The following YPEL2 variants were observed in gnomAD, a reference collection of about 807,000 sequenced individuals.
The protein encoded by YPEL2 is yippee like 2, also known as protein yippee-like 2.
YPEL2 carries 2 observed loss-of-function variants against 19.1 expected under a neutral mutation model. The ratio of observed to expected loss-of-function variants is 0.10; its 90% CI spans 0.04 to 0.33. YPEL2 has a LOEUF of 0.33. YPEL2 is among the 10% of genes least tolerant of loss of function. The pLI, the probability that YPEL2 is intolerant of heterozygous loss-of-function variation, is 1.00. For synonymous variants in YPEL2, 52 were observed against 50.0 expected (o/e 1.04, Z -0.17); for missense variants, 66 against 140.7 (o/e 0.47, Z 2.68).
intron 2 of YPEL2, among the ~76,000 whole-genome samples, chr17:59,365,248 C>A (rs1332907835): frequency 6.6e-6 from 1 of 152,160 alleles, no homozygotes; most frequent in Admixed American, 6.5e-5. Flanking sequence ...TCTTTTGAGG[C>A]CTCTCCTCAT....
intron 4 of YPEL2, among the ~76,000 whole-genome samples, chr17:59,394,979 C>G (rs994225685): frequency 4.6e-5 from 7 of 152,176 alleles, no homozygotes; most frequent in Non-Finnish European, 8.8e-5. Flanking sequence ...ATCGCAGGCA[C>G]TCAGCAGGCT....
At position 59,353,942 on chromosome 17, in the gene YPEL2, G is replaced by A. The variant is rs2047799782; in HGVS notation, c.117+416G>A. ...CCTTAGCAAGATGAGAGAGCCACCA[G>A]GAAGTTGTGAGACTGTGGAATTACT... On this transcript the variant is annotated intron_variant, in intron 2 of 4. Coordinates refer to ENST00000312655, the MANE Select transcript of YPEL2 (RefSeq NM_001005404.4). This position sits in a 1 kb window ranked among gnomAD's most constrained non-coding sequence, Gnocchi z 4.8. The A allele has an allele frequency of 3.4e-6, 1 of 295,092 alleles. No individual in the cohort carries two copies. The highest frequency in any genetic ancestry group is 3.2e-5 in the South Asian group (1 of 31,656). The allele number at this position is 295,092 out of a possible 1,614,324, so 18.3% of individuals were successfully genotyped here. A position where few individuals can be genotyped will look rare whatever the true frequency, so the allele number is the denominator to read the frequency against.
At chr17:59,373,865 T>G (rs1410902482) in intron 2 of YPEL2, among the ~76,000 whole-genome samples, 2 of 152,202 alleles carry the variant, frequency 1.3e-5, no homozygotes, top group Non-Finnish European at 2.9e-5. Flanking sequence ...GGGATTTATG[T>G]TTCTATGTCT....
chr17:59,363,312 T>C (rs1200564832), intron 2 of YPEL2: 12 of 141,564 alleles, frequency 8.5e-5, no homozygotes, highest in East Asian at 2.0e-4. Flanking sequence ...TTTTTTTTTC[T>C]TTTTTTTTTT....
intron 4 of YPEL2, among the ~76,000 whole-genome samples, chr17:59,390,009 AT>A (rs1332538033): frequency 6.6e-6 from 1 of 151,974 alleles, no homozygotes; most frequent in African/African-American, 2.4e-5. Context: ...ATTTTATTTT[AT>A]TTTATTTTGA....
intron 1 of YPEL2, among the ~76,000 whole-genome samples, chr17:59,334,827 C>G (rs771091314): frequency 6.6e-6 from 1 of 152,096 alleles, no homozygotes; most frequent in South Asian, 2.1e-4. Context: ...TCAGTTTGGC[C>G]AAGCAACTCA....
chr17:59,371,091 C>T (rs1783379354), intron 2 of YPEL2, among the ~76,000 whole-genome samples: 1 of 152,200 alleles, frequency 6.6e-6, no homozygotes, highest in South Asian at 2.1e-4. Context: ...GTCCCTTCCT[C>T]CCTGGCCTGC....
chr17:59,332,611 T>C (rs1184104675), intron 1 of YPEL2, among the ~76,000 whole-genome samples: 1 of 151,776 alleles, frequency 6.6e-6, no homozygotes, highest in Non-Finnish European at 1.5e-5. Context: ...TTTTCTCCGG[T>C]CTTGGGGGCG....
At chr17:59,368,407 A>T (rs1289090946) in intron 2 of YPEL2, among the ~76,000 whole-genome samples, 1 of 152,208 alleles carries the variant, frequency 6.6e-6, no homozygotes, top group East Asian at 1.9e-4. Flanking sequence ...TAAGTAGCTT[A>T]TGATCTAATG....
rs1175830472 is a variant in YPEL2 at position 59,400,532 on chromosome 17, C to G, written c.*3342C>G. On this transcript the variant is annotated 3_prime_UTR_variant, in exon 5 of 5. Transcript: ENST00000312655. ...TCTATCACTTTAATCTGGATCAAGG[C>G]TTTGAAGCAATGCCTCTCTGCATTT... The G allele has an allele frequency of 1.3e-5, 2 of 150,914 alleles. No individual in the cohort carries two copies. The highest frequency in any genetic ancestry group is 1.3e-4 in the Admixed American group (2 of 15,082). The allele number at this position is 150,914 out of a possible 1,614,324, so 9.3% of individuals were successfully genotyped here. A position where few individuals can be genotyped will look rare whatever the true frequency, so the allele number is the denominator to read the frequency against.
At chr17:59,388,728 C>T (rs959994659) in intron 3 of YPEL2, 20 of 267,612 alleles carry the variant, frequency 7.5e-5, no homozygotes, top group South Asian at 2.6e-4. Context: ...AGATCTGCTG[C>T]GGGACCTAAG....
At chr17:59,354,004 T>C in intron 2 of YPEL2, 1 of 253,138 alleles carries the variant, frequency 4.0e-6, no homozygotes, top group South Asian at 4.6e-5. Context: ...AAAAGTGGCT[T>C]GTTGAAGAGC....
intron 1 of YPEL2, among the ~76,000 whole-genome samples, chr17:59,336,876 T>C (rs2047701124): frequency 6.6e-6 from 1 of 152,254 alleles, no homozygotes; most frequent in Non-Finnish European, 1.5e-5. Context: ...AGCTGACTGC[T>C]GCCCAACACC....
intron 2 of YPEL2, among the ~76,000 whole-genome samples, chr17:59,377,062 C>T (rs1222286134): frequency 2.6e-5 from 4 of 151,560 alleles, no homozygotes; most frequent in African/African-American, 9.7e-5. Flanking sequence ...CTTTCTCAGG[C>T]CTTTTTGCCT....
rs539302862 is a variant in YPEL2 at position 59,375,610 on chromosome 17, G to A, written c.118-12717G>A. 5.3e-5 allele frequency among the ~76,000 whole-genome samples: 8 copies of A among 152,280 alleles called. No individual in the cohort carries two copies. The South Asian group carries it at 1.7e-3, about 32-fold the overall frequency. On this transcript the variant is annotated intron_variant, in intron 2 of 4. Transcript: ENST00000312655. ...ATTATCCGTTCACTCGAGTGATCAAGCTCTGGTGAAGTGATTCACAGTAAC... is the reference window on the plus strand; with the variant it reads ...ATTATCCGTTCACTCGAGTGATCAAACTCTGGTGAAGTGATTCACAGTAAC...
Position 59,398,796 on chromosome 17 carries a change from C to G in YPEL2, c.*1606C>G, listed in dbSNP as rs2048054686. ...TTCTCGGAAAATTCACCCTAAAAGT[C>G]TCACAAAAGAATGAGTTCATGGGGA... On this transcript the variant is annotated 3_prime_UTR_variant, in exon 5 of 5. Transcript: ENST00000312655. 1 of 152,152 alleles carries G rather than the reference C, an allele frequency of 6.6e-6. No individual in the cohort carries two copies. The allele number at this position is 152,152 out of a possible 1,614,324, so 9.4% of individuals were successfully genotyped here. A position where few individuals can be genotyped will look rare whatever the true frequency, so the allele number is the denominator to read the frequency against.
At chr17:59,356,689 A>G (rs2147941682) in intron 2 of YPEL2, among the ~76,000 whole-genome samples, 1 of 152,362 alleles carries the variant, frequency 6.6e-6, no homozygotes, top group South Asian at 2.1e-4. Context: ...TAGTTAGCTT[A>G]TAAACCACAG....
intron 2 of YPEL2, among the ~76,000 whole-genome samples, chr17:59,375,112 C>G (rs760362878): frequency 1.3e-5 from 2 of 152,128 alleles, no homozygotes; most frequent in East Asian, 3.8e-4. Flanking sequence ...GAGTTCTCTG[C>G]CCCTGAAAGT....
chr17:59,332,107 C>G (rs938413755), intron 1 of YPEL2, among the ~76,000 whole-genome samples: 1 of 152,066 alleles, frequency 6.6e-6, no homozygotes, highest in Non-Finnish European at 1.5e-5. Context: ...GCGGGAGACG[C>G]GCGCCAGGGG....
Sources: allele counts gnomAD v4.1 joint callset (sites outside exome capture counted in the v4.1 genomes callset), GRCh38; gene constraint gnomAD v4.1.1; non-coding constraint Gnocchi (gnomAD v3.1); transcripts MANE v1.5; gene names NCBI Gene and HGNC (gene_info 2026-07-23, HGNC 2026-07-21).